RANBP17: variants seen among roughly 807,000 people sequenced by gnomAD.
RANBP17 encodes the protein RAN binding protein 17, also known as ran-binding protein 17.
In RANBP17, 158 loss-of-function variants were observed where a neutral mutation model predicts 141.2. The observed-to-expected ratio is 1.12, with a 90% CI of 0.98 to 1.28. The LOEUF is 1.28. RANBP17 is among the 50% of genes most tolerant of loss of function. The pLI is 0.00. For synonymous variants in RANBP17, 430 were observed against 450.0 expected (o/e 0.96, Z 0.56); for missense variants, 1,438 against 1,290.7 (o/e 1.11, Z -1.75).
At chr5:170,862,181 G>A in intron 1 of RANBP17, 130 bp downstream of exon 1, 1 of 960,898 alleles carries the variant, frequency 1.0e-6, no homozygotes, top group Non-Finnish European at 1.4e-6. Flanking sequence ...CGGAGTCCCA[G>A]CCCCTGCCTC....
intron 2 of RANBP17, among the ~76,000 whole-genome samples, chr5:170,881,051 T>A (rs1768627743): frequency 6.6e-6 from 1 of 152,168 alleles, no homozygotes; most frequent in African/African-American, 2.4e-5. Context: ...TTAATAAACT[T>A]TATGGACACC....
chr5:170,949,913 A>G (rs938750569), intron 12 of RANBP17, among the ~76,000 whole-genome samples: 1 of 152,178 alleles, frequency 6.6e-6, no homozygotes, highest in East Asian at 1.9e-4. Flanking sequence ...ACATAGACCA[A>G]TGGAACAGAA....
At chr5:171,237,601 A>T (rs1321214811) in intron 22 of RANBP17, among the ~76,000 whole-genome samples, 1 of 152,130 alleles carries the variant, frequency 6.6e-6, no homozygotes, top group Non-Finnish European at 1.5e-5. Flanking sequence ...AAACAATTAG[A>T]GTTTTTCCTT....
At chr5:171,181,892 C>T (rs1440708832) in intron 16 of RANBP17, among the ~76,000 whole-genome samples, 1 of 152,202 alleles carries the variant, frequency 6.6e-6, no homozygotes, top group Admixed American at 6.5e-5. Flanking sequence ...CAAAACAATC[C>T]TGTAAGGTAG....
intron 14 of RANBP17, among the ~76,000 whole-genome samples, chr5:171,045,742 A>C (rs1452241034): frequency 1.3e-5 from 2 of 152,188 alleles, no homozygotes; most frequent in African/African-American, 2.4e-5. Context: ...TCTGGTGTAC[A>C]GTTCTGTTTT....
chr5:171,093,503 T>C (rs1366247589), intron 14 of RANBP17, among the ~76,000 whole-genome samples: 1 of 152,216 alleles, frequency 6.6e-6, no homozygotes, highest in African/African-American at 2.4e-5. Flanking sequence ...CCGTTGTATG[T>C]GGTAGCTTAT....
At chr5:170,989,316 T>A (rs1778351309) in intron 14 of RANBP17, among the ~76,000 whole-genome samples, 1 of 151,764 alleles carries the variant, frequency 6.6e-6, no homozygotes. Flanking sequence ...TCCTCTTCAG[T>A]GAATGCTTAA....
At chr5:171,159,938 A>AAAAT (rs1561716512) in intron 14 of RANBP17, among the ~76,000 whole-genome samples, 1 of 150,800 alleles carries the variant, frequency 6.6e-6, no homozygotes. Context: ...AAAAAAAAAA[A>AAAAT]AAAGAAAAAA....
intron 14 of RANBP17, among the ~76,000 whole-genome samples, chr5:170,992,575 G>A (rs1322846249): frequency 6.6e-6 from 1 of 151,988 alleles, no homozygotes; most frequent in Non-Finnish European, 1.5e-5. Context: ...AAACTATAAA[G>A]CATTGTGCAT....
chr5:171,195,723 G>C (rs902379104), intron 18 of RANBP17, among the ~76,000 whole-genome samples: 1 of 152,184 alleles, frequency 6.6e-6, no homozygotes, highest in Non-Finnish European at 1.5e-5. Flanking sequence ...GAGTAAAGCA[G>C]ACCTGATTGG....
chr5:171,157,944 C>T (rs966684682), intron 14 of RANBP17, among the ~76,000 whole-genome samples: 9 of 152,218 alleles, frequency 5.9e-5, no homozygotes, highest in Non-Finnish European at 1.0e-4. Flanking sequence ...GCTATGCCTG[C>T]AGGCAGTTTA....
At chr5:171,096,106 G>C (rs903740562) in intron 14 of RANBP17, among the ~76,000 whole-genome samples, 2 of 152,094 alleles carry the variant, frequency 1.3e-5, no homozygotes, top group Non-Finnish European at 2.9e-5. Context: ...AAGGTGGAAG[G>C]GGAGGAAGAA....
rs139362295 is a variant in RANBP17, at chr5:170,897,341, T to TTTC, written c.489+1244_489+1246dup. ...AGAATCAGGATCTGGGCTTGGCACA[T>TTTC]TTCTTCTTCTTCTTCTTCTTTTTTT... On this transcript the variant is annotated intron_variant, in intron 5 of 27. Transcript: ENST00000523189. 5,377 of 544,330 alleles carry TTTC rather than the reference T, an allele frequency of 9.9e-3. 211 individuals are homozygous for TTTC. Among genetic ancestry groups the TTTC allele is most frequent in the African/African-American group, 0.092 (4,641 of 50,328 alleles). The allele number at this position is 544,330 out of a possible 1,614,324, so 33.7% of individuals were successfully genotyped here. A position where few individuals can be genotyped will look rare whatever the true frequency, so the allele number is the denominator to read the frequency against.
rs763640787 is a variant in RANBP17, at chr5:170,892,526, T to C, written c.396T>C (p.Ile132=). ...AAGACCAATTTGTCTTCAGAGAAAT[T>C]ATTGCTGATGTGAAGAAGTTTCTCC... is the stretch of plus-strand genomic sequence containing the variant. ...VQKDQFVFRE[I]IADVKKFLQG... The change falls in exon 4 of 28, where the codon ATT becomes ATC. Residue 132 remains isoleucine, a synonymous_variant. Transcript: ENST00000523189. 4.3e-6 allele frequency: 7 copies of C among 1,613,792 alleles called. No individual in the cohort carries two copies. The South Asian group carries it at 7.7e-5, about 18-fold the overall frequency.
chr5:171,209,137 G>C (rs529801288), intron 20 of RANBP17, among the ~76,000 whole-genome samples: 4 of 152,322 alleles, frequency 2.6e-5, no homozygotes, highest in Non-Finnish European at 4.4e-5. Context: ...TCTCTGGAAA[G>C]GTGAAGGTGT....
chr5:171,086,205 A>G (rs1214640251), intron 14 of RANBP17, among the ~76,000 whole-genome samples: 2 of 136,326 alleles, frequency 1.5e-5, no homozygotes, highest in African/African-American at 5.5e-5. Context: ...GGCTTTTTCT[A>G]CATCTGTTGA....
intron 14 of RANBP17, among the ~76,000 whole-genome samples, chr5:171,067,831 A>C (rs1455470533): frequency 2.6e-5 from 4 of 152,076 alleles, no homozygotes; most frequent in African/African-American, 9.7e-5. Flanking sequence ...TTATTTCAGC[A>C]GTTTCTTTAT....
At position 171,171,239 on chromosome 5, in the gene RANBP17, G is replaced by A. The variant is rs754885724; in HGVS notation, c.1818G>A (p.Glu606=). The change falls in exon 16 of 28, where the codon GAG becomes GAA. Residue 606 remains glutamate (E), a synonymous_variant. Transcript: ENST00000523189. The stretch of plus-strand genomic sequence containing the variant: ...ACCTTAAATACTGGGGAAGATATGA[G>A]CCTGTAATTTCAAGGACTCTTCAGT... ...VTNLKYWGRY[E]PVISRTLQFL... 5 of 1,597,958 alleles carry A rather than the reference G, an allele frequency of 3.1e-6. No homozygotes were observed. The East Asian group carries it at 1.1e-4, about 36-fold the overall frequency.
At position 170,916,528 on chromosome 5, in the gene RANBP17, G is replaced by C; in HGVS notation, c.898G>C (p.Ala300Pro). ...GTCCTTATTTAACAGTCCTGAACGT[G>C]CCAAGTACCTTGGTAATTTAATTAA... ...RRSLFNSPER[A>P]KYLGNLIKGV... is the part of the protein sequence containing the mutation. Residue 300 changes from alanine (A) to proline (P), a missense_variant, in exon 9 of 28, where the codon GCC becomes CCC. Ala to Pro is a conservative substitution (Grantham distance 27, BLOSUM62 -1). Transcript: ENST00000523189. 1 of 1,585,448 alleles carries C rather than the reference G, an allele frequency of 6.3e-7. No homozygotes were observed. The highest frequency in any genetic ancestry group is 1.7e-5 in the Admixed American group (1 of 57,996).
Sources: gnomAD v4.1 joint callset for allele counts (sites outside exome capture counted in the v4.1 genomes callset) on GRCh38, gnomAD v4.1.1 for gene constraint, MANE v1.5 for transcripts, NCBI Gene and HGNC (gene_info 2026-07-23, HGNC 2026-07-21) for gene names.